GRID1: variants seen among roughly 807,000 people sequenced by gnomAD.
The protein encoded by GRID1 is glutamate receptor ionotropic, delta-1.
Under a neutral mutation model 98.0 loss-of-function variants are expected in GRID1, and 28 were observed. The observed-to-expected ratio is 0.29, with a 90% CI of 0.21 to 0.39. The LOEUF is 0.39. GRID1 is among the 10% of genes least tolerant of loss of function. The pLI is 1.00. For synonymous variants in GRID1, 553 were observed against 538.5 expected (o/e 1.03, Z -0.37); for missense variants, 1,111 against 1,340.5 (o/e 0.83, Z 2.67).
At chr10:85,762,749 G>A (rs1842158829) in intron 8 of GRID1, among the ~76,000 whole-genome samples, 1 of 152,234 alleles carries the variant, frequency 6.6e-6, no homozygotes. Context: ...CTGTCTTGAA[G>A]TCGTAACAAT....
chr10:86,137,292 CA>C (rs1844941407), intron 4 of GRID1, among the ~76,000 whole-genome samples: 1 of 152,204 alleles, frequency 6.6e-6, no homozygotes, highest in South Asian at 2.1e-4. Flanking sequence ...TCCCTTTTAA[CA>C]GATGAAGAAA....
At chr10:85,747,661 A>T (rs1842009866) in intron 8 of GRID1, among the ~76,000 whole-genome samples, 1 of 152,212 alleles carries the variant, frequency 6.6e-6, no homozygotes, top group African/African-American at 2.4e-5. Context: ...GCATAACAAT[A>T]ATAAAGCCTA....
intron 8 of GRID1, among the ~76,000 whole-genome samples, chr10:85,752,744 A>C (rs1842059786): frequency 6.6e-6 from 1 of 152,216 alleles, no homozygotes; most frequent in African/African-American, 2.4e-5. Context: ...CTGAGAGTTA[A>C]AGAAATGTCC....
chr10:85,862,687 A>G (rs947467075), intron 6 of GRID1, among the ~76,000 whole-genome samples: 1 of 152,228 alleles, frequency 6.6e-6, no homozygotes, highest in Non-Finnish European at 1.5e-5. Context: ...ATAATTAGAG[A>G]TGAGTCACAA....
At chr10:86,319,359 C>T (rs1847938535) in intron 2 of GRID1, among the ~76,000 whole-genome samples, 1 of 152,182 alleles carries the variant, frequency 6.6e-6, no homozygotes, top group East Asian at 1.9e-4. Context: ...CTTCACCCAA[C>T]CTGGCCACAA....
In GRID1 at chr10:86,237,686, C is replaced by T. The variant is rs868562367; in HGVS notation, c.236-31038G>A. Among the ~76,000 whole-genome samples, 308 of 147,600 alleles carry T rather than the reference C, an allele frequency of 2.1e-3. 4 individuals are homozygous for T. Among genetic ancestry groups the T allele is most frequent in the African/African-American group, 7.0e-3 (280 of 39,826 alleles). On this transcript the variant is annotated intron_variant, in intron 2 of 15. Coordinates refer to ENST00000327946, the MANE Select transcript of GRID1 (RefSeq NM_017551.3). ...CTGCACTCCAGCCTGGGCAACAGAG[C>T]GAGACTCTGTCTCAAAAAAAAAAAA...
chr10:85,958,816 G>C (rs886213305), intron 4 of GRID1, among the ~76,000 whole-genome samples: 3 of 152,032 alleles, frequency 2.0e-5, no homozygotes, highest in African/African-American at 2.4e-5. Flanking sequence ...AGTTAGCCAG[G>C]CATGATGGCA....
chr10:86,164,593 G>C (rs574932061), intron 3 of GRID1, among the ~76,000 whole-genome samples: 65 of 152,334 alleles, frequency 4.3e-4, no homozygotes, highest in African/African-American at 1.4e-3. Flanking sequence ...TTAAATTACA[G>C]TTAAACAAGG....
At chr10:85,977,401 C>T (rs1472942479) in intron 4 of GRID1, among the ~76,000 whole-genome samples, 2 of 152,134 alleles carry the variant, frequency 1.3e-5, no homozygotes, top group Non-Finnish European at 2.9e-5. Context: ...CTCAAGGGTG[C>T]AGACCCCACC....
intron 5 of GRID1, among the ~76,000 whole-genome samples, chr10:85,881,468 C>T (rs1375480665): frequency 2.0e-5 from 3 of 152,220 alleles, no homozygotes; most frequent in African/African-American, 4.8e-5. Context: ...GAAATAATGC[C>T]ACATATCTAC....
At chr10:85,911,492 T>G (rs1374468545) in intron 5 of GRID1, among the ~76,000 whole-genome samples, 1 of 152,144 alleles carries the variant, frequency 6.6e-6, no homozygotes, top group Non-Finnish European at 1.5e-5. Flanking sequence ...TCCTCCCTTT[T>G]TAGAAGTCAC....
intron 4 of GRID1, among the ~76,000 whole-genome samples, chr10:85,946,620 G>T (rs1252564574): frequency 6.6e-6 from 1 of 152,198 alleles, no homozygotes; most frequent in Admixed American, 6.5e-5. Flanking sequence ...AGAGTCCAGT[G>T]GGGGCTTGGA....
In GRID1 at chr10:86,202,190, G is replaced by A; in HGVS notation, c.520+4174C>T. Reference sequence around the variant, plus strand: ...TGCCGTGCCCTGGAGATGCCCCTGGGCCCCTGGGGCCTAACTTCCAATGCC... The same window carrying A: ...TGCCGTGCCCTGGAGATGCCCCTGGACCCCTGGGGCCTAACTTCCAATGCC... On this transcript the variant is annotated intron_variant, in intron 3 of 15. Transcript: ENST00000327946. Among the ~76,000 whole-genome samples, 2 of 152,244 alleles carry A rather than the reference G, an allele frequency of 1.3e-5. 1 individual carries two copies. The highest frequency in any genetic ancestry group is 3.8e-4 in the East Asian group (2 of 5,202).
At chr10:85,778,814 T>C (rs1460614075) in intron 8 of GRID1, among the ~76,000 whole-genome samples, 1 of 152,180 alleles carries the variant, frequency 6.6e-6, no homozygotes. Context: ...CTATTTCCAG[T>C]CTGCCATGCT....
chr10:85,805,343 T>C (rs562192018), intron 8 of GRID1, among the ~76,000 whole-genome samples: 10 of 151,554 alleles, frequency 6.6e-5, no homozygotes, highest in Non-Finnish European at 1.5e-4. Flanking sequence ...ATGAGAAAAA[T>C]AAAATAAAAC....
At chr10:85,637,392 G>A (rs1240506493) in intron 13 of GRID1, among the ~76,000 whole-genome samples, 1 of 152,148 alleles carries the variant, frequency 6.6e-6, no homozygotes, top group African/African-American at 2.4e-5. Context: ...CTGCCGTTGG[G>A]TGGACTGCAG....
intron 2 of GRID1, among the ~76,000 whole-genome samples, chr10:86,303,798 C>G (rs1847722207): frequency 6.6e-6 from 1 of 152,208 alleles, no homozygotes; most frequent in African/African-American, 2.4e-5. Context: ...ACTCAGATGT[C>G]AGCAGGAGAC....
intron 2 of GRID1, among the ~76,000 whole-genome samples, chr10:86,212,324 C>T (rs1181215604): frequency 6.6e-6 from 1 of 152,238 alleles, no homozygotes; most frequent in African/African-American, 2.4e-5. Context: ...CTCTGAGGTC[C>T]CAAGCCCCCT....
chr10:86,122,751 C>T (rs1400490571), intron 4 of GRID1, among the ~76,000 whole-genome samples: 1 of 152,260 alleles, frequency 6.6e-6, no homozygotes, highest in South Asian at 2.1e-4. Flanking sequence ...CACCTTTTAA[C>T]TGGCCTCTGA....
Sources: gnomAD v4.1 joint callset for allele counts (sites outside exome capture counted in the v4.1 genomes callset) on GRCh38, gnomAD v4.1.1 for gene constraint, MANE v1.5 for transcripts, NCBI Gene and HGNC (gene_info 2026-07-23, HGNC 2026-07-21) for gene names.